The following ANK2 variants were observed in gnomAD, a reference collection of about 807,000 sequenced individuals.
The protein encoded by ANK2 is ankyrin-2.
In ANK2, 83 loss-of-function variants were observed where a neutral mutation model predicts 360.5. The ratio of observed to expected loss-of-function variants is 0.23; its 90% CI spans 0.19 to 0.28. The LOEUF (loss-of-function observed/expected upper bound fraction) is 0.28. Among genes scored for constraint, ANK2 ranks in the 10% least tolerant of loss-of-function variants. The pLI, the probability that ANK2 is intolerant of heterozygous loss-of-function variation, is 1.00. For missense variants in ANK2, 4,201 were observed against 4,795.7 expected (o/e 0.88, Z 3.66); for synonymous variants, 1,740 against 1,759.5 (o/e 0.99, Z 0.28).
Position 113,345,904 on chromosome 4 carries a change from G to A in ANK2, c.4253G>A (p.Arg1418His), listed in dbSNP as rs770698838. The A allele has an allele frequency of 9.9e-6, 16 of 1,613,256 alleles. No individual in the cohort carries two copies. Among genetic ancestry groups the A allele is most frequent in the Non-Finnish European group, 1.3e-5 (15 of 1,179,484 alleles). Reference sequence around the variant, plus strand: ...TGTATGTCTTTCTTGTTCAAGGTACGCGATACGACTCAGGAACCTTGCGGA... The same window carrying A: ...TGTATGTCTTTCTTGTTCAAGGTACACGATACGACTCAGGAACCTTGCGGA... ...ENRLPLFVKV[R>H]DTTQEPCGRL... The change falls in exon 35 of 46, where the codon CGC becomes CAC. Residue 1418 changes from arginine to histidine, a missense_variant. This residue lies in a region of ANK2 where 1,268 missense variants were observed against 1,650.8 expected (regional missense o/e 0.77). Coordinates refer to ENST00000357077, the MANE Select transcript of ANK2 (RefSeq NM_001148.6).
At chr4:113,297,850 T>A (rs2072693304) in intron 22 of ANK2, among the ~76,000 whole-genome samples, 1 of 152,086 alleles carries the variant, frequency 6.6e-6, no homozygotes. Flanking sequence ...AGTGGTACTA[T>A]CACGGTTCAC....
At chr4:112,846,667 T>C (rs1290872899) in intron 1 of ANK2, among the ~76,000 whole-genome samples, 1 of 152,184 alleles carries the variant, frequency 6.6e-6, no homozygotes, top group Admixed American at 6.5e-5. Context: ...TGGCTATTTA[T>C]TATTGTGCTC....
chr4:112,942,054 G>C (rs1346991156), intron 2 of ANK2, among the ~76,000 whole-genome samples: 4 of 151,536 alleles, frequency 2.6e-5, no homozygotes, highest in Non-Finnish European at 5.9e-5. Context: ...GTTTTCTTTT[G>C]TTTCCTTATT....
chr4:112,977,039 C>CA (rs1345330368), intron 2 of ANK2, among the ~76,000 whole-genome samples: 3 of 152,146 alleles, frequency 2.0e-5, no homozygotes, highest in African/African-American at 7.2e-5. Flanking sequence ...TCCACTCTTT[C>CA]ATTTGGTTCT....
chr4:113,238,092 T>C (rs1447042949), intron 7 of ANK2, among the ~76,000 whole-genome samples: 1 of 152,178 alleles, frequency 6.6e-6, no homozygotes, highest in Non-Finnish European at 1.5e-5. Flanking sequence ...AATGATGTTA[T>C]TGAGCATATC....
chr4:112,837,920 T>C (rs774129302), intron 1 of ANK2, among the ~76,000 whole-genome samples: 3 of 152,190 alleles, frequency 2.0e-5, no homozygotes, highest in Admixed American at 2.0e-4. Context: ...ACTTAGACTT[T>C]TGAGTTAATG....
intron 1 of ANK2, among the ~76,000 whole-genome samples, chr4:112,898,396 A>T (rs2082327834): frequency 6.6e-6 from 1 of 152,092 alleles, no homozygotes; most frequent in African/African-American, 2.4e-5. Context: ...TTTGAGGAGT[A>T]CTGGTTAAGT....
In ANK2 at chr4:113,314,463, C is replaced by T. The variant is rs138624923; in HGVS notation, c.2693+3064C>T. Among the ~76,000 whole-genome samples the T allele has an allele frequency of 7.9e-4, 120 of 152,260 alleles. 1 individual carries two copies. The highest frequency in any genetic ancestry group is 1.4e-3 in the Non-Finnish European group (97 of 67,986). On this transcript the variant is annotated intron_variant, in intron 24 of 45. Transcript: ENST00000357077. ...TAAAAAATATAAACTAAGACCATAA[C>T]AAAACCCCTAGTACATCCCCTAGAT...
At chr4:113,307,817 T>C (rs1472609906) in intron 23 of ANK2, among the ~76,000 whole-genome samples, 4 of 152,176 alleles carry the variant, frequency 2.6e-5, no homozygotes, top group Non-Finnish European at 5.9e-5. Context: ...AAACATCAAT[T>C]GTACATAAAA....
intron 1 of ANK2, among the ~76,000 whole-genome samples, chr4:112,879,658 A>G (rs1296673831): frequency 6.6e-6 from 1 of 152,202 alleles, no homozygotes; most frequent in Admixed American, 6.5e-5. Context: ...CGTTAGATAC[A>G]TTTTTATATG....
At chr4:112,858,719 A>G (rs78517991) in intron 1 of ANK2, among the ~76,000 whole-genome samples, 3 of 152,264 alleles carry the variant, frequency 2.0e-5, no homozygotes, top group Admixed American at 6.5e-5. Flanking sequence ...CTATTTAACT[A>G]TCTTATTTTC....
chr4:112,772,385 G>T, the ANK2 span, among the ~76,000 whole-genome samples: 1 of 152,106 alleles, frequency 6.6e-6, no homozygotes, highest in African/African-American at 2.4e-5. Flanking sequence ...CTTCCACCAG[G>T]TCCCTCTCAC....
intron 1 of ANK2, among the ~76,000 whole-genome samples, chr4:112,883,389 A>C (rs976889088): frequency 1.3e-5 from 2 of 152,146 alleles, no homozygotes; most frequent in African/African-American, 4.8e-5. Flanking sequence ...CAGATAGGTT[A>C]TGATCATGTG....
the ANK2 span, among the ~76,000 whole-genome samples, chr4:112,757,112 CTTTTTTT>C: frequency 1.7e-4 from 23 of 135,340 alleles, no homozygotes; most frequent in Admixed American, 3.7e-4. Context: ...CTTTTCTTTT[CTTTTTTT>C]TTTTTTTTTT....
At chr4:113,157,815 A>G (rs1324842197) in intron 1 of ANK2, among the ~76,000 whole-genome samples, 1 of 152,232 alleles carries the variant, frequency 6.6e-6, no homozygotes, top group Non-Finnish European at 1.5e-5. Context: ...ACCAGTTATC[A>G]ATTTCGGGTC....
chr4:113,008,548 T>TA (rs1421427491), intron 2 of ANK2, among the ~76,000 whole-genome samples: 1 of 152,146 alleles, frequency 6.6e-6, no homozygotes. Context: ...CAGTTTAACT[T>TA]ATGTTTGGTG....
chr4:113,288,261 T>C, intron 19 of ANK2, 127 bp from the exon 20 acceptor site: 1 of 811,744 alleles, frequency 1.2e-6, no homozygotes, highest in South Asian at 1.6e-5. Flanking sequence ...TGCTAAATAA[T>C]ATCTTTAGTC....
At chr4:112,909,042 C>T (rs2086207280) in intron 2 of ANK2, among the ~76,000 whole-genome samples, 1 of 152,124 alleles carries the variant, frequency 6.6e-6, no homozygotes, top group Non-Finnish European at 1.5e-5. Context: ...CTAGGAGGAC[C>T]ACTGGGACGA....
At chr4:113,347,403 A>C (rs2094984269) in intron 35 of ANK2, among the ~76,000 whole-genome samples, 1 of 152,168 alleles carries the variant, frequency 6.6e-6, no homozygotes, top group Non-Finnish European at 1.5e-5. Context: ...GAGTCAGTGG[A>C]GGCAGTATGC....
Sources: gnomAD v4.1 joint callset for allele counts (sites outside exome capture counted in the v4.1 genomes callset) on GRCh38, gnomAD v4.1.1 for gene constraint, gnomAD v4.1.1 regional missense constraint, MANE v1.5 for transcripts, NCBI Gene and HGNC (gene_info 2026-07-23, HGNC 2026-07-21) for gene names.